The following CHD1L variants were observed in gnomAD, a reference collection of about 807,000 sequenced individuals.
CHD1L encodes the protein chromodomain helicase DNA binding protein 1 like, also known as ATP-dependent chromatin remodeler CHD1L.
A neutral mutation model predicts 115.9 loss-of-function variants in CHD1L; 118 were observed. The observed-to-expected ratio is 1.02, with a 90% CI of 0.88 to 1.19. The LOEUF (loss-of-function observed/expected upper bound fraction) is 1.19. Among genes scored for constraint, CHD1L ranks in the 50% most tolerant of loss-of-function variants. CHD1L has a pLI of 0.00. For missense variants in CHD1L, 1,179 were observed against 1,065.3 expected (o/e 1.11, Z -1.49); for synonymous variants, 411 against 387.1 (o/e 1.06, Z -0.72).
At chr1:147,269,667 CAAAAAAAAAA>C (rs10649680) in intron 10 of CHD1L, among the ~76,000 whole-genome samples, 1 of 93,270 alleles carries the variant, frequency 1.1e-5, no homozygotes, top group Non-Finnish European at 2.0e-5. Context: ...GGCTCCATCT[CAAAAAAAAAA>C]AAAAAAAAAA....
At chr1:147,272,903 G>GAA (rs35351060) in intron 12 of CHD1L, among the ~76,000 whole-genome samples, 66,770 of 141,298 alleles carry the variant, frequency 0.47, 17,359 homozygotes, top group African/African-American at 0.68. Context: ...GTGGTGTCTG[G>GAA]AAAAAAAAAA....
chr1:147,267,254 T>C (rs930086514), intron 8 of CHD1L, among the ~76,000 whole-genome samples, 172 bp from the exon 9 acceptor site: 10 of 152,354 alleles, frequency 6.6e-5, no homozygotes, highest in Non-Finnish European at 1.5e-4. Context: ...GAAAATTTTA[T>C]GTGAACATGC....
chr1:147,238,135 C>T (rs11239951), upstream of CHD1L, among the ~76,000 whole-genome samples: 88,552 of 152,070 alleles, frequency 0.58, 27,791 homozygotes, highest in East Asian at 0.87. Context: ...AAAGTCAAAA[C>T]ACAGTTTTTC....
chr1:147,275,431 C>G lies in CHD1L; in HGVS notation c.1348C>G (p.Gln450Glu), dbSNP rs1677994850. The change falls in exon 13 of 23, where the codon CAA (glutamine) becomes GAA (glutamate). Residue 450 changes from glutamine to glutamate, a missense_variant. Physicochemically the swap from Gln to Glu is conservative, Grantham distance 29. Transcript: ENST00000369258. ...DSDFNPQNDL[Q>E]AAARAHRIGQ... is the part of the protein sequence containing the mutation. Reference sequence around the variant, plus strand: ...TGACTTTAATCCTCAGAATGACTTGCAAGCAGCTGCCAGGGCTCATCGCAT... The same window carrying G: ...TGACTTTAATCCTCAGAATGACTTGGAAGCAGCTGCCAGGGCTCATCGCAT... 2 of 1,614,120 alleles carry G rather than the reference C, an allele frequency of 1.2e-6. No homozygotes were observed. Among genetic ancestry groups the G allele is most frequent in the East Asian group, 2.2e-5 (1 of 44,870 alleles).
intron 4 of CHD1L, among the ~76,000 whole-genome samples, 191 bp downstream of exon 4, chr1:147,256,118 A>G (rs1338936810): frequency 6.6e-6 from 1 of 151,988 alleles, no homozygotes; most frequent in Admixed American, 6.6e-5. Context: ...GATTAGTTCG[A>G]TCTTTTCCTT....
intron 7 of CHD1L, among the ~76,000 whole-genome samples, chr1:147,265,291 A>G (rs1488209321): frequency 3.9e-5 from 6 of 152,326 alleles, no homozygotes; most frequent in Admixed American, 6.5e-5. Flanking sequence ...TTACCTGACA[A>G]AATATAAGAC....
intron 19 of CHD1L, among the ~76,000 whole-genome samples, chr1:147,290,052 T>C (rs1215173680): frequency 2.6e-5 from 4 of 151,996 alleles, no homozygotes; most frequent in South Asian, 4.2e-4. Context: ...ACCTAACCAA[T>C]AGACAGGGTC....
At chr1:147,229,512 G>C in the CHD1L span, among the ~76,000 whole-genome samples, 8 of 152,150 alleles carry the variant, frequency 5.3e-5, no homozygotes, top group African/African-American at 1.9e-4. Flanking sequence ...GGTTCCATAT[G>C]AACTTTAAAG....
chr1:147,255,972 T>C, intron 4 of CHD1L, 45 bp downstream of exon 4: 1 of 1,342,326 alleles, frequency 7.4e-7, no homozygotes, highest in South Asian at 1.3e-5. Flanking sequence ...ACCTGTGACC[T>C]TAGAAGTTGT....
chr1:147,280,094 A>G lies in CHD1L; in HGVS notation c.1608A>G (p.Ile536Met). 6.2e-7 allele frequency: 1 copy of G among 1,614,108 alleles called. No homozygotes were observed. Among genetic ancestry groups the G allele is most frequent in the Non-Finnish European group, 8.5e-7 (1 of 1,180,020 alleles). ...LASEGSTMDEIDLESILGETK... is the reference protein window; with the variant it reads ...LASEGSTMDEMDLESILGETK... ...CTGAGGGGAGCACCATGGATGAAATAGACCTGGAGTCCATCCTGGGAGAAA... is the reference window on the plus strand; with the variant it reads ...CTGAGGGGAGCACCATGGATGAAATGGACCTGGAGTCCATCCTGGGAGAAA... Residue 536 changes from isoleucine (I) to methionine (M), a missense_variant, in exon 15 of 23, where the codon ATA becomes ATG. Coordinates refer to ENST00000369258, the MANE Select transcript of CHD1L (RefSeq NM_004284.6).
the CHD1L span, chr1:147,172,941 A>T: frequency 6.6e-6 from 1 of 152,350 alleles, no homozygotes; most frequent in Non-Finnish European, 1.5e-5. Context: ...GGTTCCTTAT[A>T]GGGAATAAGA....
Position 147,264,508 on chromosome 1 carries a change from G to T in CHD1L, c.663G>T (p.Glu221Asp). 4.3e-6 allele frequency: 7 copies of T among 1,614,056 alleles called. No individual in the cohort carries two copies. The highest frequency in any genetic ancestry group is 5.9e-6 in the Non-Finnish European group (7 of 1,179,958). ...TCTACTCCCTCCTCAGTTTTGTGGA[G>T]CCTGATCTCTTTTCCAAGGAAGAGG... ...QELYSLLSFV[E>D]PDLFSKEEVG... Residue 221 changes from glutamate to aspartate, a missense_variant, in exon 7 of 23, where the codon GAG becomes GAT. Transcript: ENST00000369258.
chr1:147,203,615 TTCTTA>T, the CHD1L span: 1 of 1,222,828 alleles, frequency 8.2e-7, no homozygotes, highest in Non-Finnish European at 1.2e-6. Flanking sequence ...CTCAGCAAAC[TTCTTA>T]ATAGCGTACT....
chr1:147,191,348 G>A, the CHD1L span, among the ~76,000 whole-genome samples: 5,571 of 152,074 alleles, frequency 0.037, 153 homozygotes, highest in South Asian at 0.094. Context: ...AGCACCTGTT[G>A]TTTCCTGACT....
the CHD1L span, among the ~76,000 whole-genome samples, chr1:147,181,413 ACCT>A: frequency 6.6e-6 from 1 of 152,106 alleles, no homozygotes; most frequent in East Asian, 1.9e-4. Flanking sequence ...CCAACTAAAA[ACCT>A]CATCACAGAG....
chr1:147,210,770 A>C, the CHD1L span: 3 of 152,198 alleles, frequency 2.0e-5, no homozygotes, highest in Non-Finnish European at 4.4e-5. Flanking sequence ...ATAAGTGCTT[A>C]ATGGCTGTCA....
chr1:147,259,756 C>G, intron 5 of CHD1L, 81 bp from the exon 6 acceptor site: 1 of 1,197,372 alleles, frequency 8.4e-7, no homozygotes. Flanking sequence ...TAATAACAGT[C>G]ACAGTTTTGT....
At chr1:147,258,255 C>T (rs1670745784) in intron 5 of CHD1L, among the ~76,000 whole-genome samples, 1 of 152,116 alleles carries the variant, frequency 6.6e-6, no homozygotes. Flanking sequence ...CTGGATTTCC[C>T]CCATCTTTTC....
At position 147,264,556 on chromosome 1, in the gene CHD1L, C is replaced by G; in HGVS notation, c.711C>G (p.Tyr237Ter). The change falls in exon 7 of 23, where the codon TAC becomes TAG. Residue 237 changes from tyrosine (Y) to a stop codon, truncating the protein, a stop_gained. Coordinates refer to ENST00000369258, the MANE Select transcript of CHD1L (RefSeq NM_004284.6). LOFTEE classifies it high-confidence loss of function. The stretch of plus-strand genomic sequence containing the variant: ...AGGTGGGAGATTTTATTCAACGCTA[C>G]CAGGATATTGAGAAAGAATCTGAGT... ...KEEVGDFIQR[Y>*]QDIEKESESA... is the part of the protein sequence containing the mutation. 6.2e-7 allele frequency: 1 copy of G among 1,613,760 alleles called. No homozygotes were observed. The highest frequency in any genetic ancestry group is 8.5e-7 in the Non-Finnish European group (1 of 1,179,864).
Sources: allele counts gnomAD v4.1 joint callset (sites outside exome capture counted in the v4.1 genomes callset), GRCh38; gene constraint gnomAD v4.1.1; transcripts MANE v1.5; gene names NCBI Gene and HGNC (gene_info 2026-07-23, HGNC 2026-07-21).